The following ASIC2 variants were observed in gnomAD, a reference collection of about 807,000 sequenced individuals.
ASIC2 encodes the protein acid-sensing ion channel 2.
In ASIC2, 25 loss-of-function variants were observed where a neutral mutation model predicts 57.3. That is an observed-to-expected ratio of 0.44 (90% CI 0.32 to 0.61). The LOEUF is 0.61. Ranked by LOEUF, ASIC2 falls within the 20% of genes least tolerant of loss-of-function variation. The pLI is 0.06. For synonymous variants in ASIC2, 319 were observed against 307.5 expected (o/e 1.04, Z -0.39); for missense variants, 641 against 738.1 (o/e 0.87, Z 1.52).
intron 1 of ASIC2, among the ~76,000 whole-genome samples, chr17:33,154,814 C>G (rs1250419377): frequency 6.6e-6 from 1 of 152,194 alleles, no homozygotes; most frequent in Admixed American, 6.5e-5. Context: ...TTTTAAGCTT[C>G]TGAACTTTCT....
intron 1 of ASIC2, among the ~76,000 whole-genome samples, chr17:33,637,067 A>G (rs1332415538): frequency 6.6e-6 from 1 of 151,078 alleles, no homozygotes; most frequent in Non-Finnish European, 1.5e-5. Context: ...CTCTTCCACT[A>G]TTGTCCCTAT....
At chr17:33,187,164 G>A (rs1482028983) in intron 1 of ASIC2, among the ~76,000 whole-genome samples, 2 of 152,276 alleles carry the variant, frequency 1.3e-5, no homozygotes, top group South Asian at 2.1e-4. Context: ...AGCAAAAACT[G>A]CAATACCTGC....
At position 33,710,969 on chromosome 17, in the gene ASIC2, C is replaced by T. The variant is rs978196058; in HGVS notation, c.555+445009G>A. On this transcript the variant is annotated intron_variant, in intron 1 of 9. Transcript: ENST00000359872. ...ATTTTTAATTTTAATTTTTTTGAGA[C>T]AGGGTCTTGCTCTGTTATCCAGGCT... Among the ~76,000 whole-genome samples the T allele has an allele frequency of 4.9e-5, 7 of 142,184 alleles. No individual in the cohort carries two copies. In the Middle Eastern group the frequency reaches 0.01, roughly 207 times the overall value. 93.3% of individuals were successfully genotyped at this position (142,184 alleles called of 152,430 possible). A position where few individuals can be genotyped will look rare whatever the true frequency, so the allele number is the denominator to read the frequency against.
rs548643637 is a variant in ASIC2, at chr17:33,883,658, G to A, written c.555+272320C>T. On this transcript the variant is annotated intron_variant, in intron 1 of 9. Coordinates refer to the ASIC2 transcript ENST00000359872. ...GCCTGCTGGCCATCTCCTCATGAACGGCCCACAAGTACCACGGACCCTGTA... is the reference window on the plus strand; with the variant it reads ...GCCTGCTGGCCATCTCCTCATGAACAGCCCACAAGTACCACGGACCCTGTA... Among the ~76,000 whole-genome samples the A allele has an allele frequency of 1.6e-3, 244 of 152,160 alleles. 2 individuals are homozygous for A. Among genetic ancestry groups the A allele is most frequent in the African/African-American group, 5.6e-3 (233 of 41,502 alleles).
intron 1 of ASIC2, among the ~76,000 whole-genome samples, chr17:33,353,590 C>A (rs1908264098): frequency 6.6e-6 from 1 of 152,136 alleles, no homozygotes; most frequent in African/African-American, 2.4e-5. Context: ...CCTCCTACCT[C>A]AGACTCCCAA....
At chr17:33,594,138 C>T (rs1904910409) in intron 1 of ASIC2, among the ~76,000 whole-genome samples, 1 of 152,228 alleles carries the variant, frequency 6.6e-6, no homozygotes, top group Admixed American at 6.5e-5. Context: ...TTTCATGTGT[C>T]TCTGGATTCC....
intron 1 of ASIC2, among the ~76,000 whole-genome samples, chr17:33,993,566 C>A (rs1469513873): frequency 6.6e-6 from 1 of 152,204 alleles, no homozygotes; most frequent in Non-Finnish European, 1.5e-5. Context: ...GAGAAACAGA[C>A]TCTGAGTTGA....
intron 1 of ASIC2, among the ~76,000 whole-genome samples, chr17:33,959,693 G>A (rs1323513340): frequency 6.6e-6 from 1 of 152,200 alleles, no homozygotes. Context: ...GCTTCTTCCT[G>A]CCTTATTCTA....
chr17:34,126,388 G>A (rs573803874), intron 1 of ASIC2, among the ~76,000 whole-genome samples: 4 of 152,250 alleles, frequency 2.6e-5, no homozygotes, highest in South Asian at 2.1e-4. Context: ...AGGAAAGTAC[G>A]GAATAAATAA....
At chr17:33,147,480 C>T (rs1904607722) in intron 1 of ASIC2, among the ~76,000 whole-genome samples, 1 of 152,172 alleles carries the variant, frequency 6.6e-6, no homozygotes, top group African/African-American at 2.4e-5. Context: ...ACTTTGATAA[C>T]ATTAATATAC....
chr17:33,271,088 T>C (rs183728700), intron 1 of ASIC2, among the ~76,000 whole-genome samples: 1 of 152,300 alleles, frequency 6.6e-6, no homozygotes, highest in East Asian at 1.9e-4. Context: ...AAGCCTGTCC[T>C]TTGTTGGCAG....
At chr17:33,932,302 C>A (rs1203792126) in intron 1 of ASIC2, among the ~76,000 whole-genome samples, 5 of 152,162 alleles carry the variant, frequency 3.3e-5, no homozygotes, top group Admixed American at 1.3e-4. Flanking sequence ...GTACAGTACA[C>A]ATCAGATTTT....
At chr17:34,061,907 G>C (rs1908985036) in intron 1 of ASIC2, among the ~76,000 whole-genome samples, 1 of 152,114 alleles carries the variant, frequency 6.6e-6, no homozygotes, top group Non-Finnish European at 1.5e-5. Flanking sequence ...AAATGAGATA[G>C]ACAGCAACAC....
chr17:33,291,644 G>T lies in ASIC2; in HGVS notation c.472C>A (p.Leu158Ile). 6.2e-7 allele frequency: 1 copy of T among 1,611,182 alleles called. No individual in the cohort carries two copies. Among genetic ancestry groups the T allele is most frequent in the Non-Finnish European group, 8.5e-7 (1 of 1,178,760 alleles). Residue 158 changes from leucine (L) to isoleucine (I), a missense_variant, in exon 1 of 10, where the codon CTC becomes ATC. By Grantham distance (5) the Leu-to-Ile change is conservative. This residue lies in a region of ASIC2 where 382 missense variants were observed against 398.0 expected (regional missense o/e 0.96). Coordinates refer to ENST00000225823, the MANE Select transcript of ASIC2 (RefSeq NM_183377.2). ...KGDLYYAGHW[L>I]GLLLPNRTAR... ...GTGCGGTTGGGCAGCAGCAGCCCGA[G>T]CCAGTGGCCGGCATAGTAGAGGTCC...
At chr17:33,189,352 C>T (rs1480234142) in intron 1 of ASIC2, among the ~76,000 whole-genome samples, 2 of 151,854 alleles carry the variant, frequency 1.3e-5, no homozygotes, top group Admixed American at 6.6e-5. Flanking sequence ...GGAGATACAA[C>T]GGAATCATAA....
At chr17:33,792,244 C>T (rs1911795319) in intron 1 of ASIC2, 1 of 152,266 alleles carries the variant, frequency 6.6e-6, no homozygotes, top group Admixed American at 6.5e-5. Flanking sequence ...GCCTTCAGGT[C>T]CCACTTAACT....
chr17:33,357,452 T>A (rs2142256250), intron 1 of ASIC2, among the ~76,000 whole-genome samples: 1 of 152,276 alleles, frequency 6.6e-6, no homozygotes, highest in African/African-American at 2.4e-5. Flanking sequence ...AGGCAGTTAG[T>A]TATTTCCTTG....
intron 1 of ASIC2, among the ~76,000 whole-genome samples, chr17:33,271,448 AC>A (rs1904489187): frequency 6.6e-6 from 1 of 151,846 alleles, no homozygotes; most frequent in African/African-American, 2.4e-5. Flanking sequence ...GTCTCAACAG[AC>A]CCCAAACATT....
chr17:33,342,046 T>C lies in ASIC2; in HGVS notation c.556-229979A>G, dbSNP rs375627353. ...GCAGTCACATATTTTGATTTAAACTTAATGTTGCTTAGCAAAAGAGAATGT... is the reference window on the plus strand; with the variant it reads ...GCAGTCACATATTTTGATTTAAACTCAATGTTGCTTAGCAAAAGAGAATGT... On this transcript the variant is annotated intron_variant, in intron 1 of 9. Coordinates refer to the ASIC2 transcript ENST00000359872. Among the ~76,000 whole-genome samples the C allele has an allele frequency of 9.8e-5, 15 of 152,304 alleles. No homozygotes were observed. The East Asian group carries it at 1.3e-3, about 14-fold the overall frequency.
Sources: allele counts gnomAD v4.1 joint callset (sites outside exome capture counted in the v4.1 genomes callset), GRCh38; gene constraint gnomAD v4.1.1; regional missense constraint gnomAD v4.1.1; transcripts MANE v1.5; gene names NCBI Gene and HGNC (gene_info 2026-07-23, HGNC 2026-07-21).